The following KDM6A variants were observed in gnomAD, a reference collection of about 807,000 sequenced individuals.
KDM6A encodes lysine-specific demethylase 6A.
In KDM6A, 11 loss-of-function variants were observed where a neutral mutation model predicts 117.6. The ratio of observed to expected loss-of-function variants is 0.09; its 90% CI spans 0.06 to 0.15. KDM6A has a LOEUF of 0.15. Among genes scored for constraint, KDM6A ranks in the 10% least tolerant of loss-of-function variants. The probability of loss-of-function intolerance (pLI) is 1.00; values close to 1 mark genes in which losing one functional copy is unlikely to be tolerated. For missense variants in KDM6A, 799 were observed against 1,077.3 expected, an observed-to-expected ratio of 0.74 and a Z score of 3.62; for synonymous variants, 384 against 396.1, an observed-to-expected ratio of 0.97 and a Z score of 0.36.
At chrX:44,926,863 T>C (rs1373812652) in intron 2 of KDM6A, among the ~76,000 whole-genome samples, 2 of 111,604 alleles carry the variant, frequency 1.8e-5, no homozygotes, top group Non-Finnish European at 1.9e-5. Context: ...CAGTTTAGAA[T>C]AGTAATGAAA....
intron 2 of KDM6A, among the ~76,000 whole-genome samples, chrX:44,931,893 G>C (rs1319821058): frequency 9.1e-6 from 1 of 110,461 alleles, no homozygotes; most frequent in East Asian, 2.8e-4. Flanking sequence ...CAGTGTGTCT[G>C]AGAATCCTAT....
rs2148055922 is a variant in KDM6A, at chrX:45,070,264, T to C, written c.2765T>C (p.Leu922Pro). The C allele has an allele frequency of 8.3e-7, 1 of 1,209,680 alleles. No individual in the cohort carries two copies. The highest frequency in any genetic ancestry group is 1.1e-6 in the Non-Finnish European group (1 of 893,666). The change falls in exon 18 of 30, where the codon CTG (leucine) becomes CCG (proline). Residue 922 changes from leucine to proline, a missense_variant. By Grantham distance (98) the Leu-to-Pro change is moderately conservative (BLOSUM62 -3). Coordinates refer to ENST00000611820, the MANE Select transcript of KDM6A (RefSeq NM_001291415.2). ...EESQSPMKTD[L>P]LLVNHKPSPQ... ...TCTCAGAGCCCCATGAAAACAGATC[T>C]GCTTCTGGTTAACCACAAACCTAGT...
At chrX:45,109,217 C>A (rs1228672297) in intron 28 of KDM6A, among the ~76,000 whole-genome samples, 2 of 106,165 alleles carry the variant, frequency 1.9e-5, no homozygotes, top group Non-Finnish European at 1.9e-5. Flanking sequence ...TAGACTAGAA[C>A]CTGGCAATGG....
intron 8 of KDM6A, among the ~76,000 whole-genome samples, chrX:45,040,794 C>T (rs1333932620): frequency 4.2e-4 from 33 of 79,023 alleles, no homozygotes; most frequent in Non-Finnish European, 7.5e-4. Flanking sequence ...ACCTCCCTCC[C>T]GGACGGGGCG....
chrX:45,077,988 A>G (rs894688904), intron 19 of KDM6A, among the ~76,000 whole-genome samples: 1 of 111,915 alleles, frequency 8.9e-6, no homozygotes, highest in Non-Finnish European at 1.9e-5. Flanking sequence ...AAATTTGACT[A>G]TTCTAGATAC....
rs184279443 is a variant in KDM6A, at chrX:44,965,890, G to A, written c.334+4498G>A. ...TATCTGTGAAGCACAATAAAGCAAAGTGCAATAAAACAGGGTATGCCTGTA... is the reference window on the plus strand; with the variant it reads ...TATCTGTGAAGCACAATAAAGCAAAATGCAATAAAACAGGGTATGCCTGTA... On this transcript the variant is annotated intron_variant, in intron 3 of 29. Coordinates refer to ENST00000611820, the MANE Select transcript of KDM6A (RefSeq NM_001291415.2). Among the ~76,000 whole-genome samples, 533 of 111,753 alleles carry A rather than the reference G, an allele frequency of 4.8e-3. 5 individuals are homozygous for A. In the South Asian group the frequency reaches 0.063, roughly 13 times the overall value.
In KDM6A at chrX:45,003,134, G is replaced by T. The variant is rs188689577; in HGVS notation, c.385-7827G>T. On this transcript the variant is annotated intron_variant, in intron 4 of 29. Transcript: ENST00000611820. ...TTTAAGGCTTGGCTGAGTGCAAACA[G>T]CTCCCATATTTGAGCAGACTAATTA... is the stretch of plus-strand genomic sequence containing the variant. Among the ~76,000 whole-genome samples the T allele has an allele frequency of 4.0e-3, 445 of 110,615 alleles. 4 individuals carry two copies. The highest frequency in any genetic ancestry group is 0.014 in the African/African-American group (424 of 30,411).
intron 2 of KDM6A, among the ~76,000 whole-genome samples, chrX:44,932,295 G>C (rs1330331195): frequency 9.3e-6 from 1 of 106,979 alleles, no homozygotes; most frequent in Non-Finnish European, 1.9e-5. Flanking sequence ...GTGGTGGGGT[G>C]GGGGGTGGTC....
intron 2 of KDM6A, among the ~76,000 whole-genome samples, chrX:44,954,124 A>G (rs1399129509): frequency 9.0e-6 from 1 of 110,751 alleles, no homozygotes; most frequent in Non-Finnish European, 1.9e-5. Flanking sequence ...ATTAAAAAAA[A>G]AAAGTATAAT....
chrX:44,920,186 T>C (rs1440835682), intron 2 of KDM6A, among the ~76,000 whole-genome samples: 2 of 112,060 alleles, frequency 1.8e-5, no homozygotes, highest in African/African-American at 6.5e-5. Flanking sequence ...AAGTCTTCTC[T>C]ATCCTACTGA....
intron 2 of KDM6A, among the ~76,000 whole-genome samples, chrX:44,878,013 A>G (rs1204463761): frequency 9.0e-6 from 1 of 111,417 alleles, no homozygotes; most frequent in Admixed American, 9.6e-5. Context: ...TTAAATTGTA[A>G]TATTTGGATG....
intron 2 of KDM6A, among the ~76,000 whole-genome samples, chrX:44,913,375 T>C (rs1418371917): frequency 9.7e-6 from 1 of 103,433 alleles, no homozygotes; most frequent in Non-Finnish European, 2.0e-5. Flanking sequence ...CTTGGCTCAC[T>C]GCGACCTCCG....
chrX:45,092,388 C>A (rs1278827145), intron 27 of KDM6A, among the ~76,000 whole-genome samples: 1 of 111,629 alleles, frequency 9.0e-6, no homozygotes, highest in African/African-American at 3.3e-5. Context: ...ATATAGTAAT[C>A]TCATCTGTAT....
intron 4 of KDM6A, 68 bp downstream of exon 4, chrX:44,974,783 A>G (rs1316137732): frequency 2.5e-6 from 2 of 788,662 alleles, no homozygotes; most frequent in South Asian, 2.1e-5. Flanking sequence ...TTATACTCAA[A>G]ATTAATTGAG....
In KDM6A at chrX:44,905,842, A is replaced by T. The variant is rs1246500044; in HGVS notation, c.225+31855A>T. Among the ~76,000 whole-genome samples, 4 of 112,670 alleles carry T rather than the reference A, an allele frequency of 3.6e-5. No individual in the cohort carries two copies. In the East Asian group the frequency reaches 1.1e-3, roughly 31 times the overall value. On this transcript the variant is annotated intron_variant, in intron 2 of 29. Transcript: ENST00000611820. Reference sequence around the variant, plus strand: ...TTGTTCCAGAACCAAATCTACCATCATATTCCCTCCTCAACCATTTAAAAA... The same window carrying T: ...TTGTTCCAGAACCAAATCTACCATCTTATTCCCTCCTCAACCATTTAAAAA...
chrX:45,014,420 C>T (rs1417292789), intron 5 of KDM6A, among the ~76,000 whole-genome samples: 2 of 111,749 alleles, frequency 1.8e-5, no homozygotes, highest in Non-Finnish European at 3.8e-5. Context: ...AACAGCTATG[C>T]TGTTATTTTA....
At chrX:45,040,514 C>G (rs2043069211) in intron 8 of KDM6A, among the ~76,000 whole-genome samples, 1 of 78,404 alleles carries the variant, frequency 1.3e-5, no homozygotes, top group African/African-American at 4.9e-5. Flanking sequence ...CCCCACCTCC[C>G]TCCCGGACGG....
At chrX:44,958,920 T>C (rs914284742) in intron 2 of KDM6A, among the ~76,000 whole-genome samples, 1 of 111,504 alleles carries the variant, frequency 9.0e-6, no homozygotes, top group Non-Finnish European at 1.9e-5. Context: ...AAATTCTGTG[T>C]TTTATTGTAG....
At chrX:44,884,666 C>A (rs1274695210) in intron 2 of KDM6A, among the ~76,000 whole-genome samples, 1 of 111,682 alleles carries the variant, frequency 9.0e-6, no homozygotes, top group Non-Finnish European at 1.9e-5. Flanking sequence ...TAAACTAAGG[C>A]TGTGGTTTAG....
Sources: allele counts gnomAD v4.1 joint callset (sites outside exome capture counted in the v4.1 genomes callset), GRCh38; gene constraint gnomAD v4.1.1; transcripts MANE v1.5; gene names NCBI Gene and HGNC (gene_info 2026-07-23, HGNC 2026-07-21).